CTNND2: variants seen among roughly 807,000 people sequenced by gnomAD.
CTNND2 encodes catenin delta-2.
In CTNND2, 22 loss-of-function variants were observed where a neutral mutation model predicts 144.4. The ratio of observed to expected loss-of-function variants is 0.15; its 90% CI spans 0.11 to 0.22. CTNND2 has a LOEUF of 0.22. Ranked by LOEUF, CTNND2 falls within the 10% of genes least tolerant of loss-of-function variation. The pLI, the probability that CTNND2 is intolerant of heterozygous loss-of-function variation, is 1.00. For missense variants in CTNND2, 1,353 were observed against 1,618.8 expected (o/e 0.84, Z 2.82); for synonymous variants, 751 against 695.6 (o/e 1.08, Z -1.25).
At chr5:10,996,064 C>A (rs140909181) in intron 18 of CTNND2, among the ~76,000 whole-genome samples, 1 of 151,858 alleles carries the variant, frequency 6.6e-6, no homozygotes, top group Admixed American at 6.6e-5. Flanking sequence ...GGCAAGTGGC[C>A]GGGGTGCCGG....
chr5:11,716,567 T>C (rs1352420087), intron 2 of CTNND2, among the ~76,000 whole-genome samples: 5 of 152,242 alleles, frequency 3.3e-5, no homozygotes, highest in Admixed American at 6.5e-5. Context: ...TTTCTCTCTA[T>C]ACAATTTCTA....
At chr5:11,528,014 TAG>T (rs1430117997) in intron 3 of CTNND2, among the ~76,000 whole-genome samples, 2 of 152,190 alleles carry the variant, frequency 1.3e-5, no homozygotes, top group Non-Finnish European at 2.9e-5. Flanking sequence ...ACAATATTAA[TAG>T]AGTCAATTTA....
intron 12 of CTNND2, among the ~76,000 whole-genome samples, chr5:11,139,100 A>G (rs1238230777): frequency 6.6e-6 from 1 of 152,008 alleles, no homozygotes; most frequent in African/African-American, 2.4e-5. Flanking sequence ...AGCTGGGATT[A>G]CAGCTGCACA....
chr5:11,535,121 G>C (rs1396860848), intron 3 of CTNND2, among the ~76,000 whole-genome samples: 3 of 151,080 alleles, frequency 2.0e-5, no homozygotes, highest in South Asian at 2.1e-4. Flanking sequence ...CCAGGAGGCA[G>C]AGGTTGCAGT....
chr5:11,830,512 T>C (rs1046542591), intron 1 of CTNND2, among the ~76,000 whole-genome samples: 1 of 152,218 alleles, frequency 6.6e-6, no homozygotes, highest in Non-Finnish European at 1.5e-5. Flanking sequence ...CCTGCTGCCA[T>C]CCATGTAAGA....
At chr5:11,190,130 C>T (rs966503114) in intron 11 of CTNND2, among the ~76,000 whole-genome samples, 1 of 152,202 alleles carries the variant, frequency 6.6e-6, no homozygotes, top group African/African-American at 2.4e-5. Context: ...TACTTATCTC[C>T]TCTGCCCATC....
chr5:11,265,836 C>T (rs548341807), intron 9 of CTNND2, among the ~76,000 whole-genome samples: 8 of 151,662 alleles, frequency 5.3e-5, no homozygotes, highest in South Asian at 2.1e-4. Flanking sequence ...CTCAGCCTCC[C>T]GAGTAGATGG....
intron 10 of CTNND2, among the ~76,000 whole-genome samples, chr5:11,233,938 T>G (rs962620033): frequency 6.6e-6 from 1 of 152,084 alleles, no homozygotes; most frequent in African/African-American, 2.4e-5. Flanking sequence ...ATACCACCCT[T>G]CCCTTCCTTC....
chr5:11,137,369 T>C (rs1756271050), intron 12 of CTNND2, among the ~76,000 whole-genome samples: 1 of 152,216 alleles, frequency 6.6e-6, no homozygotes, highest in African/African-American at 2.4e-5. Context: ...AGAAGCTGTA[T>C]CTAGTCGTCT....
intron 3 of CTNND2, among the ~76,000 whole-genome samples, chr5:11,557,006 T>A (rs1175358632): frequency 6.6e-6 from 1 of 152,156 alleles, no homozygotes; most frequent in African/African-American, 2.4e-5. Flanking sequence ...AGCTACAGAT[T>A]AGCTTTTGAG....
At chr5:11,646,032 G>A (rs1196098631) in intron 2 of CTNND2, among the ~76,000 whole-genome samples, 3 of 151,742 alleles carry the variant, frequency 2.0e-5, no homozygotes, top group Non-Finnish European at 4.4e-5. Flanking sequence ...ATTTATCTCA[G>A]CAGTCCTCTG....
intron 9 of CTNND2, among the ~76,000 whole-genome samples, chr5:11,253,980 C>A (rs1482867524): frequency 6.6e-6 from 1 of 152,104 alleles, no homozygotes; most frequent in Non-Finnish European, 1.5e-5. Context: ...ATTGCCTTGA[C>A]CCAAAACTAT....
At chr5:11,085,560 C>T (rs1202959770) in intron 15 of CTNND2, among the ~76,000 whole-genome samples, 3 of 152,108 alleles carry the variant, frequency 2.0e-5, no homozygotes, top group Admixed American at 6.5e-5. Flanking sequence ...TTATTTGACC[C>T]AAAGAAGTGT....
intron 2 of CTNND2, among the ~76,000 whole-genome samples, chr5:11,663,357 CA>C (rs1783384094): frequency 6.6e-6 from 1 of 152,086 alleles, no homozygotes; most frequent in African/African-American, 2.4e-5. Context: ...TTCCTATCTG[CA>C]ATCAACATTT....
chr5:11,084,966 G>T (rs186850492), intron 15 of CTNND2, among the ~76,000 whole-genome samples: 1 of 152,092 alleles, frequency 6.6e-6, no homozygotes, highest in East Asian at 1.9e-4. Context: ...CAGTCTCCCA[G>T]ATATGACCTA....
At chr5:11,898,714 A>G (rs1433970727) in intron 1 of CTNND2, among the ~76,000 whole-genome samples, 1 of 152,230 alleles carries the variant, frequency 6.6e-6, no homozygotes, top group Non-Finnish European at 1.5e-5. Flanking sequence ...AAAAAAACCC[A>G]GTAAGGCCTT....
chr5:11,397,136 C>T lies in CTNND2; in HGVS notation c.507G>A (p.Pro169=), dbSNP rs146087152. 1.9e-5 allele frequency: 31 copies of T among 1,613,998 alleles called. No homozygotes were observed. The highest frequency in any genetic ancestry group is 1.9e-4 in the African/African-American group (14 of 74,898). ...GGGTCTGGTTGCTATGGTAGCTGGCCGGATACTGGAAAGACCCTTCAGGTT... is the reference window on the plus strand; with the variant it reads ...GGGTCTGGTTGCTATGGTAGCTGGCTGGATACTGGAAAGACCCTTCAGGTT... The part of the protein sequence containing the change: ...NSKPEGSFQY[P]ASYHSNQTLA... Residue 169 remains proline, a synonymous_variant, in exon 6 of 22, where the codon CCG becomes CCA. Transcript: ENST00000304623.
intron 1 of CTNND2, among the ~76,000 whole-genome samples, chr5:11,838,718 A>G (rs185748934): frequency 2.0e-5 from 3 of 152,358 alleles, no homozygotes; most frequent in East Asian, 1.9e-4. Flanking sequence ...ATTAAATATT[A>G]CATTGCATCA....
At chr5:11,793,489 C>T (rs1241432356) in intron 1 of CTNND2, among the ~76,000 whole-genome samples, 1 of 152,202 alleles carries the variant, frequency 6.6e-6, no homozygotes, top group Non-Finnish European at 1.5e-5. Flanking sequence ...TGTGGTCATA[C>T]TGGAGTAGGG....
Sources: gnomAD v4.1 joint callset for allele counts (sites outside exome capture counted in the v4.1 genomes callset) on GRCh38, gnomAD v4.1.1 for gene constraint, MANE v1.5 for transcripts, NCBI Gene and HGNC (gene_info 2026-07-23, HGNC 2026-07-21) for gene names.